The following KLHL29 variants were observed in gnomAD, a reference collection of about 807,000 sequenced individuals.
KLHL29 encodes the protein kelch-like protein 29.
Under a neutral mutation model 80.4 loss-of-function variants are expected in KLHL29, and 21 were observed. The ratio of observed to expected loss-of-function variants is 0.26; its 90% CI spans 0.19 to 0.38. KLHL29 has a LOEUF of 0.38. Ranked by LOEUF, KLHL29 falls within the 10% of genes least tolerant of loss-of-function variation. The pLI, the probability that KLHL29 is intolerant of heterozygous loss-of-function variation, is 1.00. For synonymous variants in KLHL29, 511 were observed against 526.8 expected, an observed-to-expected ratio of 0.97 and a Z score of 0.41; for missense variants, 867 against 1,223.9, an observed-to-expected ratio of 0.71 and a Z score of 4.35.
At chr2:23,694,349 G>A (rs957939894) in intron 8 of KLHL29, among the ~76,000 whole-genome samples, 2 of 152,034 alleles carry the variant, frequency 1.3e-5, no homozygotes, top group East Asian at 3.9e-4. Flanking sequence ...TAAGTGGATC[G>A]ACTTCCCTCT....
chr2:23,622,321 C>T (rs755597495), intron 3 of KLHL29, among the ~76,000 whole-genome samples: 26 of 152,236 alleles, frequency 1.7e-4, no homozygotes, highest in Non-Finnish European at 3.4e-4. Flanking sequence ...AGGACTCAGC[C>T]CCCTCCTCCA....
intron 3 of KLHL29, among the ~76,000 whole-genome samples, chr2:23,592,936 G>T (rs1036091467): frequency 3.9e-5 from 6 of 152,134 alleles, no homozygotes; most frequent in Admixed American, 3.9e-4. Flanking sequence ...GGTTTTGTAG[G>T]TCTTTAAGAC....
At chr2:23,386,579 A>C (rs1286716783) in intron 1 of KLHL29, among the ~76,000 whole-genome samples, 1 of 151,846 alleles carries the variant, frequency 6.6e-6, no homozygotes, top group African/African-American at 2.4e-5. Flanking sequence ...GTGGACCTGG[A>C]GATGTGTAGT....
rs1252962664 is a variant in KLHL29 at position 23,513,793 on chromosome 2, G to A, written c.-46+38126G>A. 2.0e-5 allele frequency among the ~76,000 whole-genome samples: 3 copies of A among 152,212 alleles called. No homozygotes were observed. In the East Asian group the frequency reaches 5.8e-4, roughly 29 times the overall value. ...AGGAGGTGTGGACTCTGGCAAGAGG[G>A]CCTAAAAACCCCAAAAGGCTCCATC... is the stretch of plus-strand genomic sequence containing the variant. On this transcript the variant is annotated intron_variant, in intron 2 of 13. Coordinates refer to ENST00000486442, the MANE Select transcript of KLHL29 (RefSeq NM_052920.2).
rs953617344 is a variant in KLHL29 at position 23,696,747 on chromosome 2, G to C, written c.2105+234G>C. ...TTTGCAGTCGCTGAGATGGGAGATG[G>C]GGCGCTTCTGTCCCGACAACCCATT... On this transcript the variant is annotated intron_variant, in intron 11 of 13. Transcript: ENST00000486442. The surrounding 1 kb of genome is among the most constrained non-coding windows in gnomAD (Gnocchi z 5.5). 1.1e-5 allele frequency: 5 copies of C among 474,962 alleles called. No homozygotes were observed. The highest frequency in any genetic ancestry group is 4.0e-5 in the Admixed American group (1 of 25,170). The allele number at this position is 474,962 out of a possible 1,614,324, so 29.4% of individuals were successfully genotyped here. A position where few individuals can be genotyped will look rare whatever the true frequency, so the allele number is the denominator to read the frequency against.
At chr2:23,705,405 T>C (rs1011328468) in intron 13 of KLHL29, among the ~76,000 whole-genome samples, 2 of 151,960 alleles carry the variant, frequency 1.3e-5, no homozygotes, top group Admixed American at 6.5e-5. Flanking sequence ...GGCAGGAGAA[T>C]TGCTTGAACC....
Position 23,406,185 on chromosome 2 carries a change from G to A in KLHL29, c.-154+20405G>A, listed in dbSNP as rs539347798. ...CTCTACTAAAATACAAAAATTAATC[G>A]GGCATGGTGGCGGGCACCTGTGATC... On this transcript the variant is annotated intron_variant, in intron 1 of 13. Transcript: ENST00000486442. Among the ~76,000 whole-genome samples the A allele has an allele frequency of 1.4e-3, 215 of 151,920 alleles. 1 individual carries two copies. Among genetic ancestry groups the A allele is most frequent in the African/African-American group, 5.0e-3 (206 of 41,450 alleles).
intron 2 of KLHL29, among the ~76,000 whole-genome samples, chr2:23,514,393 G>T (rs937068529): frequency 6.6e-6 from 1 of 152,196 alleles, no homozygotes; most frequent in African/African-American, 2.4e-5. Context: ...GCCTCAGGGT[G>T]CAGAGTGCCA....
At chr2:23,426,851 C>T (rs188966767) in intron 1 of KLHL29, among the ~76,000 whole-genome samples, 1 of 152,334 alleles carries the variant, frequency 6.6e-6, no homozygotes, top group African/African-American at 2.4e-5. Context: ...GGGGGTGATA[C>T]AGTCTGCCAT....
At chr2:23,697,379 G>A (rs1309069183) in intron 11 of KLHL29, 1 of 152,242 alleles carries the variant, frequency 6.6e-6, no homozygotes, top group Non-Finnish European at 1.5e-5. Flanking sequence ...GGAGAAACTA[G>A]TGCCTGGAGG....
intron 5 of KLHL29, chr2:23,668,326 G>C (rs1670610456): frequency 6.6e-6 from 1 of 152,314 alleles, no homozygotes; most frequent in Admixed American, 6.5e-5. Flanking sequence ...GCCAGGCACT[G>C]GGGTGCAGAG....
At chr2:23,657,784 C>T (rs529068674) in intron 5 of KLHL29, among the ~76,000 whole-genome samples, 2 of 152,266 alleles carry the variant, frequency 1.3e-5, no homozygotes, top group East Asian at 1.9e-4. Flanking sequence ...AGTGGGGGAC[C>T]GGCCTCGCCT....
chr2:23,555,693 C>G (rs936419653), intron 2 of KLHL29, among the ~76,000 whole-genome samples: 1 of 152,238 alleles, frequency 6.6e-6, no homozygotes, highest in Non-Finnish European at 1.5e-5. Flanking sequence ...CCTCATCCCT[C>G]AGAAGTAGGG....
At chr2:23,439,184 A>G (rs1378296425) in intron 1 of KLHL29, among the ~76,000 whole-genome samples, 4 of 150,472 alleles carry the variant, frequency 2.7e-5, no homozygotes, top group Admixed American at 6.6e-5. Flanking sequence ...TATCGTGTCT[A>G]TTTGATTCTT....
Position 23,684,439 on chromosome 2 carries a change from G to C in KLHL29, c.981G>C (p.Ala327=). ...KELNQQRRAK[A]FTDLKIVVEG... ...TGAACCAGCAACGCAGAGCGAAAGC[G>C]TTTACAGACCTGAAAATTGTTGTTG... is the stretch of plus-strand genomic sequence containing the variant. Residue 327 remains alanine (A), a synonymous_variant, in exon 6 of 14, where the codon GCG becomes GCC. Transcript: ENST00000486442. The surrounding 1 kb of genome is among the most constrained non-coding windows in gnomAD (Gnocchi z 4.4). The C allele has an allele frequency of 1.9e-6, 3 of 1,550,546 alleles. No individual in the cohort carries two copies. Among genetic ancestry groups the C allele is most frequent in the Non-Finnish European group, 2.6e-6 (3 of 1,146,594 alleles).
chr2:23,671,202 TTTATTTATTTGCTGGAACTGTGGC>T (rs1301010139), intron 5 of KLHL29, among the ~76,000 whole-genome samples: 1 of 151,894 alleles, frequency 6.6e-6, no homozygotes, highest in East Asian at 1.9e-4. Context: ...TTTAAAACTA[TTTATTTATTTGCTGGAACTGTGGC>T]TCTCAGAATT....
At chr2:23,412,473 C>T (rs952177870) in intron 1 of KLHL29, among the ~76,000 whole-genome samples, 8 of 152,010 alleles carry the variant, frequency 5.3e-5, no homozygotes, top group Admixed American at 6.6e-5. Flanking sequence ...CTGCAGGGCT[C>T]AAACTTGAAC....
At chr2:23,388,189 T>C (rs1666232407) in intron 1 of KLHL29, among the ~76,000 whole-genome samples, 2 of 152,224 alleles carry the variant, frequency 1.3e-5, no homozygotes, top group African/African-American at 4.8e-5. Context: ...CTTCAAGTAC[T>C]CAGTGTGGGA....
rs571677126 is a variant in KLHL29, at chr2:23,640,846, C to G, written c.428-1492C>G. The stretch of plus-strand genomic sequence containing the variant: ...CCTCGTACCGTGGTCTATGTGACTC[C>G]GAGCCTTGCTCCTCACCACCAGCTG... On this transcript the variant is annotated intron_variant, in intron 4 of 13. Coordinates refer to ENST00000486442, the MANE Select transcript of KLHL29 (RefSeq NM_052920.2). Among the ~76,000 whole-genome samples, 5 of 152,292 alleles carry G rather than the reference C, an allele frequency of 3.3e-5. No homozygotes were observed. The East Asian group carries it at 9.7e-4, about 29-fold the overall frequency.
Sources: allele counts gnomAD v4.1 joint callset (sites outside exome capture counted in the v4.1 genomes callset), GRCh38; gene constraint gnomAD v4.1.1; non-coding constraint Gnocchi (gnomAD v3.1); transcripts MANE v1.5; gene names NCBI Gene and HGNC (gene_info 2026-07-23, HGNC 2026-07-21).